SIMC1: variants seen among roughly 807,000 people sequenced by gnomAD.
SIMC1 encodes SUMO interacting motifs containing 1.
In SIMC1, 55 loss-of-function variants were observed where a neutral mutation model predicts 82.3. The observed-to-expected ratio is 0.67, with a 90% CI of 0.54 to 0.84. The LOEUF is 0.84. Ranked by LOEUF, SIMC1 falls within the 40% of genes least tolerant of loss-of-function variation. The pLI is 0.00. For missense variants in SIMC1, 915 were observed against 1,107.2 expected, an observed-to-expected ratio of 0.83 and a Z score of 2.46; for synonymous variants, 353 against 426.3, an observed-to-expected ratio of 0.83 and a Z score of 2.12.
At chr5:176,305,926 C>A in intron 4 of SIMC1, among the ~76,000 whole-genome samples, 1 of 83,146 alleles carries the variant, frequency 1.2e-5, no homozygotes, top group African/African-American at 4.9e-5. Flanking sequence ...CCGGCCGCCC[C>A]TACTGGGAAG....
intron 1 of SIMC1, among the ~76,000 whole-genome samples, chr5:176,275,301 G>A (rs573926287): frequency 2.0e-5 from 3 of 151,994 alleles, no homozygotes; most frequent in African/African-American, 4.8e-5. Flanking sequence ...AAGAATGCTT[G>A]TAATTTTTGT....
At chr5:176,325,275 T>G (rs567816104) in intron 7 of SIMC1, among the ~76,000 whole-genome samples, 3 of 152,234 alleles carry the variant, frequency 2.0e-5, no homozygotes, top group Non-Finnish European at 4.4e-5. Flanking sequence ...TAATCTCAGC[T>G]ACTCAGGAGG....
At chr5:176,307,353 T>C (rs1400252356) in intron 4 of SIMC1, among the ~76,000 whole-genome samples, 1 of 152,226 alleles carries the variant, frequency 6.6e-6, no homozygotes, top group Non-Finnish European at 1.5e-5. Context: ...TACTGAACTG[T>C]ACACTTAAAA....
chr5:176,302,511 C>T (rs977624557), intron 4 of SIMC1, among the ~76,000 whole-genome samples: 3 of 152,204 alleles, frequency 2.0e-5, no homozygotes, highest in Non-Finnish European at 4.4e-5. Context: ...TGTGCCTGCT[C>T]TTGCCACTTC....
intron 7 of SIMC1, among the ~76,000 whole-genome samples, chr5:176,331,849 A>G (rs1365327303): frequency 6.6e-6 from 1 of 151,680 alleles, no homozygotes; most frequent in Non-Finnish European, 1.5e-5. Context: ...GGCGCCTGTA[A>G]TCTCAGCTAC....
intron 1 of SIMC1, among the ~76,000 whole-genome samples, chr5:176,285,632 G>A (rs1763235993): frequency 6.6e-6 from 1 of 151,432 alleles, no homozygotes; most frequent in Admixed American, 6.6e-5. Context: ...TGGAAGTTCT[G>A]GCCAGGGCAA....
chr5:176,290,735 C>T lies in SIMC1; in HGVS notation c.1211C>T (p.Pro404Leu). 1.9e-6 allele frequency: 3 copies of T among 1,613,662 alleles called. No individual in the cohort carries two copies. Among genetic ancestry groups the T allele is most frequent in the Non-Finnish European group, 2.5e-6 (3 of 1,179,738 alleles). Residue 404 changes from proline (P) to leucine (L), a missense_variant, in exon 2 of 10, where the codon CCC (proline) becomes CTC (leucine). Physicochemically the swap from Pro to Leu is moderately conservative, Grantham distance 98. This residue lies in a region of SIMC1 where 902 missense variants were observed against 1,040.3 expected (regional missense o/e 0.87). Transcript: ENST00000429602. ...TCTCCCAGCCCACAGTCTGAAACTC[C>T]CTTAGAGAAAGTTCCTTGGCTCTCT... is the stretch of plus-strand genomic sequence containing the variant. The part of the protein sequence containing the change: ...SCSPSPQSET[P>L]LEKVPWLSVM...
chr5:176,292,831 G>A (rs1327638329), intron 2 of SIMC1, among the ~76,000 whole-genome samples: 7 of 152,132 alleles, frequency 4.6e-5, no homozygotes, highest in African/African-American at 7.2e-5. Context: ...GTGAGCCACC[G>A]CGCCCGGCCC....
At chr5:176,252,303 G>A (rs1375179006) in intron 1 of SIMC1, among the ~76,000 whole-genome samples, 1 of 151,936 alleles carries the variant, frequency 6.6e-6, no homozygotes, top group Non-Finnish European at 1.5e-5. Context: ...TGGCTGCCGG[G>A]CGGAGACGCT....
intron 1 of SIMC1, among the ~76,000 whole-genome samples, chr5:176,273,321 G>A (rs576534838): frequency 6.6e-6 from 1 of 152,202 alleles, no homozygotes; most frequent in African/African-American, 2.4e-5. Flanking sequence ...AGGCAAACAG[G>A]GTCTGGAATG....
At chr5:176,336,944 A>G in intron 8 of SIMC1, 68 bp downstream of exon 8, 2 of 1,601,580 alleles carry the variant, frequency 1.2e-6, no homozygotes, top group East Asian at 4.5e-5. Flanking sequence ...AACCCTTCCC[A>G]TAGGATTTTA....
intron 4 of SIMC1, among the ~76,000 whole-genome samples, chr5:176,301,171 C>T (rs1462340460): frequency 5.3e-5 from 8 of 152,092 alleles, no homozygotes; most frequent in Admixed American, 1.3e-4. Context: ...ATAATTCCCA[C>T]GTGTTATGGG....
At chr5:176,323,511 A>G (rs1035832839) in intron 6 of SIMC1, among the ~76,000 whole-genome samples, 6 of 152,194 alleles carry the variant, frequency 3.9e-5, no homozygotes, top group Non-Finnish European at 5.9e-5. Context: ...TACAAAATAG[A>G]TATTATTGCT....
chr5:176,344,638 G>A (rs1235144276), intron 9 of SIMC1, among the ~76,000 whole-genome samples: 2 of 152,166 alleles, frequency 1.3e-5, no homozygotes, highest in Admixed American at 6.5e-5. Flanking sequence ...AAGCAGACAC[G>A]TTTTACGTGG....
intron 4 of SIMC1, among the ~76,000 whole-genome samples, chr5:176,306,301 C>T: frequency 7.2e-6 from 1 of 139,230 alleles, no homozygotes; most frequent in East Asian, 2.4e-4. Flanking sequence ...GGGGGTCAGC[C>T]CCCCGTCCGG....
chr5:176,298,343 C>A (rs1763907453), intron 4 of SIMC1, among the ~76,000 whole-genome samples: 1 of 152,222 alleles, frequency 6.6e-6, no homozygotes, highest in Admixed American at 6.5e-5. Flanking sequence ...ACCTCGACCT[C>A]CCAAGGTGCT....
intron 1 of SIMC1, among the ~76,000 whole-genome samples, chr5:176,288,423 G>GAATAAATAAATAAATA (rs150243423): frequency 0.029 from 3,622 of 126,680 alleles, 62 homozygotes; most frequent in East Asian, 0.063. Context: ...ATGAATGAAT[G>GAATAAATAAATAAATA]AATAAATAAA....
intron 4 of SIMC1, among the ~76,000 whole-genome samples, chr5:176,305,031 A>C: frequency 7.5e-6 from 1 of 133,826 alleles, no homozygotes; most frequent in African/African-American, 2.8e-5. Context: ...TCCGCCCGGC[A>C]GCCACCCCAT....
intron 7 of SIMC1, among the ~76,000 whole-genome samples, chr5:176,331,438 T>A (rs58189460): frequency 2.7e-5 from 4 of 150,524 alleles, no homozygotes; most frequent in Admixed American, 2.6e-4. Context: ...GCCTCAGCCT[T>A]CTGAGTAGCT....
Sources: allele counts gnomAD v4.1 joint callset (sites outside exome capture counted in the v4.1 genomes callset), GRCh38; gene constraint gnomAD v4.1.1; regional missense constraint gnomAD v4.1.1; transcripts MANE v1.5; gene names NCBI Gene and HGNC (gene_info 2026-07-23, HGNC 2026-07-21).